Variants in PPDPFL observed in about 807,000 individuals in gnomAD.
PPDPFL encodes the protein pancreatic progenitor cell differentiation and proliferation factor-like protein.
Under a neutral mutation model 12.6 loss-of-function variants are expected in PPDPFL, and 12 were observed. That is an observed-to-expected ratio of 0.95 (90% CI 0.61 to 1.54). PPDPFL has a LOEUF of 1.54. PPDPFL is among the 40% of genes most tolerant of loss of function. The pLI, the probability that PPDPFL is intolerant of heterozygous loss-of-function variation, is 0.00. For missense variants in PPDPFL, 114 were observed against 96.0 expected, an observed-to-expected ratio of 1.19 and a Z score of -0.78; for synonymous variants, 24 against 32.7, an observed-to-expected ratio of 0.73 and a Z score of 0.91.
At position 49,065,865 on chromosome 8, in the gene PPDPFL, C is replaced by T. The variant is rs341815; in HGVS notation, c.-44-6922C>T. On this transcript the variant is annotated intron_variant, in intron 1 of 4. Coordinates refer to the PPDPFL transcript ENST00000517663. ...AACACTCTGTGCCACTCCCTATTGA[C>T]GTCCGAGTTGATTTTAATGGTCAGA... 2.6e-5 allele frequency among the ~76,000 whole-genome samples: 4 copies of T among 152,148 alleles called. No homozygotes were observed. The East Asian group carries it at 5.8e-4, about 22-fold the overall frequency.
chr8:49,075,389 A>G lies in PPDPFL; in HGVS notation c.*216A>G, dbSNP rs1585677981. The G allele has an allele frequency of 1.0e-6, 1 of 973,608 alleles. No homozygotes were observed. Among genetic ancestry groups the G allele is most frequent in the East Asian group, 2.4e-5 (1 of 41,602 alleles). 60.3% of individuals were successfully genotyped at this position (973,608 alleles called of 1,614,324 possible). A position where few individuals can be genotyped will look rare whatever the true frequency, so the allele number is the denominator to read the frequency against. On this transcript the variant is annotated 3_prime_UTR_variant, in exon 5 of 5. Coordinates refer to ENST00000522267, the MANE Select transcript of PPDPFL (RefSeq NM_001256597.2). ...GATCTCATTTATGAGACAAGATCAC[A>G]GCAGCCACTGATATAAAAAAAGTTT...
intron 2 of PPDPFL, among the ~76,000 whole-genome samples, chr8:49,073,595 C>A (rs904558157): frequency 6.6e-6 from 1 of 152,106 alleles, no homozygotes; most frequent in African/African-American, 2.4e-5. Context: ...ATATTCTGAT[C>A]TTATAAGAGA....
At chr8:49,055,867 T>A (rs1808104464) in intron 1 of PPDPFL, among the ~76,000 whole-genome samples, 1 of 152,088 alleles carries the variant, frequency 6.6e-6, no homozygotes, top group Non-Finnish European at 1.5e-5. Flanking sequence ...TTCCTCCCAA[T>A]GCTAAAAATG....
chr8:49,063,366 G>A (rs544016927), intron 1 of PPDPFL, among the ~76,000 whole-genome samples: 1 of 152,268 alleles, frequency 6.6e-6, no homozygotes, highest in Non-Finnish European at 1.5e-5. Context: ...AGCCAAGATA[G>A]TAAATGTTTT....
At chr8:49,072,223 G>C (rs1808402518), upstream of PPDPFL, 1 of 152,466 alleles carries the variant, frequency 6.6e-6, no homozygotes, top group African/African-American at 2.4e-5. Flanking sequence ...CAGACGTGCA[G>C]AGAGTGCTTG....
At chr8:49,070,955 C>A (rs1439853458), upstream of PPDPFL, among the ~76,000 whole-genome samples, 1 of 152,114 alleles carries the variant, frequency 6.6e-6, no homozygotes, top group East Asian at 1.9e-4. Context: ...TAGCTACAAT[C>A]CTGCTGTACA....
At chr8:49,070,871 TGA>T (rs1491208300), upstream of PPDPFL, among the ~76,000 whole-genome samples, 5 of 148,240 alleles carry the variant, frequency 3.4e-5, no homozygotes, top group East Asian at 3.9e-4. Flanking sequence ...TATGTGTGCA[TGA>T]GTGTGTGTGT....
intron 1 of PPDPFL, among the ~76,000 whole-genome samples, chr8:49,062,173 A>G (rs974625251): frequency 1.3e-5 from 2 of 152,210 alleles, no homozygotes; most frequent in African/African-American, 2.4e-5. Context: ...GGCAAATGCA[A>G]ACAGAACGGG....
intron 4 of PPDPFL, chr8:49,074,576 T>C (rs1427268863): frequency 2.0e-6 from 3 of 1,536,296 alleles, no homozygotes; most frequent in Non-Finnish European, 8.7e-7. Flanking sequence ...AGAAGTCATA[T>C]GCCAAACTGT....
intron 1 of PPDPFL, among the ~76,000 whole-genome samples, chr8:49,065,402 T>C (rs1256067025): frequency 6.6e-6 from 1 of 152,134 alleles, no homozygotes; most frequent in Non-Finnish European, 1.5e-5. Context: ...TGCTTGGTAA[T>C]AATTGATCAA....
At chr8:49,055,754 A>G (rs1349492990) in intron 1 of PPDPFL, among the ~76,000 whole-genome samples, 3 of 152,072 alleles carry the variant, frequency 2.0e-5, no homozygotes, top group African/African-American at 7.2e-5. Context: ...TCTAGACACC[A>G]TGGCATACAA....
At chr8:49,061,319 A>G (rs1808198831) in intron 1 of PPDPFL, among the ~76,000 whole-genome samples, 1 of 152,202 alleles carries the variant, frequency 6.6e-6, no homozygotes, top group Admixed American at 6.5e-5. Flanking sequence ...CACAGAGAGA[A>G]GACTATGAGC....
intron 1 of PPDPFL, among the ~76,000 whole-genome samples, chr8:49,065,749 G>T (rs111471369): frequency 6.6e-6 from 1 of 152,292 alleles, no homozygotes; most frequent in Non-Finnish European, 1.5e-5. Context: ...CAAAAGATTT[G>T]TGTTAGGATC....
chr8:49,063,677 C>G (rs1048617406), intron 1 of PPDPFL, among the ~76,000 whole-genome samples: 1 of 151,876 alleles, frequency 6.6e-6, no homozygotes, highest in East Asian at 1.9e-4. Context: ...GAAATGGCAC[C>G]AGTGCACTCC....
At chr8:49,070,073 T>G (rs145311531), upstream of PPDPFL, among the ~76,000 whole-genome samples, 261 of 152,310 alleles carry the variant, frequency 1.7e-3, no homozygotes, top group African/African-American at 6.1e-3. Flanking sequence ...TAAGAAAGAA[T>G]GAGATCATGT....
intron 1 of PPDPFL, among the ~76,000 whole-genome samples, chr8:49,061,260 C>T (rs1206555992): frequency 6.6e-6 from 1 of 152,090 alleles, no homozygotes; most frequent in Non-Finnish European, 1.5e-5. Context: ...GGCTCCAATG[C>T]AATACAACTG....
At chr8:49,061,894 T>C (rs935742494) in intron 1 of PPDPFL, among the ~76,000 whole-genome samples, 2 of 152,174 alleles carry the variant, frequency 1.3e-5, no homozygotes, top group Non-Finnish European at 2.9e-5. Flanking sequence ...TTTCAGTCAA[T>C]GCATTAAATT....
chr8:49,074,841 AC>A (rs1808463216), intron 4 of PPDPFL: 1 of 1,407,814 alleles, frequency 7.1e-7, no homozygotes, highest in Non-Finnish European at 9.2e-7. Flanking sequence ...ATATATTTAA[AC>A]TACTTATTTT....
At chr8:49,059,374 G>C (rs748121831) in intron 1 of PPDPFL, among the ~76,000 whole-genome samples, 1 of 152,058 alleles carries the variant, frequency 6.6e-6, no homozygotes, top group African/African-American at 2.4e-5. Flanking sequence ...GGGGAGTAAG[G>C]CTTAGTCTAG....
Sources: allele counts gnomAD v4.1 joint callset (sites outside exome capture counted in the v4.1 genomes callset), GRCh38; gene constraint gnomAD v4.1.1; transcripts MANE v1.5; gene names NCBI Gene and HGNC (gene_info 2026-07-23, HGNC 2026-07-21).